Variants in CCT3 observed in about 807,000 individuals in gnomAD.
CCT3 encodes T-complex protein 1 subunit gamma.
Under a neutral mutation model 65.3 loss-of-function variants are expected in CCT3, and 10 were observed. The observed-to-expected ratio is 0.15, with a 90% confidence interval of 0.09 to 0.26. CCT3 has a LOEUF of 0.26. CCT3 is among the 10% of genes least tolerant of loss of function. The probability of loss-of-function intolerance (pLI) is 1.00; values close to 1 mark genes in which losing one functional copy is unlikely to be tolerated. For missense variants in CCT3, 626 were observed against 708.7 expected (o/e 0.88, Z 1.33); for synonymous variants, 225 against 242.3 (o/e 0.93, Z 0.66).
intron 6 of CCT3, among the ~76,000 whole-genome samples, chr1:156,324,559 C>T (rs1664721729): frequency 6.6e-6 from 1 of 151,922 alleles, no homozygotes; most frequent in East Asian, 1.9e-4. Flanking sequence ...GCAATCTCCG[C>T]CCCCTGGTTT....
chr1:156,317,092 AATG>A (rs1168187026), intron 10 of CCT3, 71 bp downstream of exon 10: 1 of 1,263,046 alleles, frequency 7.9e-7, no homozygotes, highest in East Asian at 2.3e-5. Flanking sequence ...CTTTTCAGGT[AATG>A]ATGACTGTTA....
rs769868138 is a variant in CCT3, at chr1:156,312,204, A to G, written c.992T>C (p.Ile331Thr). Reference protein sequence around the residue: ...NRIARACGARIVSRPEELRED... With the variant: ...NRIARACGARTVSRPEELRED... ...TCTCAGTTCCTCTGGTCGGCTGACT[A>G]TCCGGGCCCCACAGGCTCTAATGGA... The change falls in exon 11 of 14, where the codon ATA (isoleucine) becomes ACA (threonine). Residue 331 changes from isoleucine to threonine, a missense_variant. Physicochemically the swap from Ile to Thr is moderately conservative, Grantham distance 89. Transcript: ENST00000295688. The G allele has an allele frequency of 1.9e-6, 3 of 1,614,046 alleles. No individual in the cohort carries two copies. The highest frequency in any genetic ancestry group is 2.5e-6 in the Non-Finnish European group (3 of 1,179,986).
rs1252626027 is a variant in CCT3, at chr1:156,312,056, G to A, written c.1140C>T (p.Ser380=). ...GCTGACTCACCGAGAGAATCTCTTT[G>A]CTAGCCCCCCGGAGGAGAATGGTGC... ...KACTILLRGA[S]KEILSEVERN... The change falls in exon 11 of 14, where the codon AGC becomes AGT. Residue 380 remains serine (S), a synonymous_variant. Coordinates refer to ENST00000295688, the MANE Select transcript of CCT3 (RefSeq NM_005998.5). 1 of 1,610,976 alleles carries A rather than the reference G, an allele frequency of 6.2e-7. No individual in the cohort carries two copies. Among genetic ancestry groups the A allele is most frequent in the Non-Finnish European group, 8.5e-7 (1 of 1,178,632 alleles).
chr1:156,321,354 A>G (rs1664545990), intron 6 of CCT3, among the ~76,000 whole-genome samples: 2 of 151,502 alleles, frequency 1.3e-5, no homozygotes, highest in South Asian at 2.1e-4. Flanking sequence ...GTCAAGACAC[A>G]TTTTTTTTTA....
Position 156,317,075 on chromosome 1 carries a change from A to G in CCT3, c.974+91T>C, listed in dbSNP as rs1285129555. The G allele has an allele frequency of 3.5e-6, 4 of 1,149,544 alleles. No individual in the cohort carries two copies. In the African/African-American group the frequency reaches 6.1e-5, roughly 17 times the overall value. The allele number at this position is 1,149,544 out of a possible 1,614,324, so 71.2% of individuals were successfully genotyped here. Reference sequence around the variant, plus strand: ...ATTTCTACCTGTTACTATATCCTTTATTAAACCTTTTCAGGTAATGATGAC... The same window carrying G: ...ATTTCTACCTGTTACTATATCCTTTGTTAAACCTTTTCAGGTAATGATGAC... On this transcript the variant is annotated intron_variant, in intron 10 of 13. Transcript: ENST00000295688.
chr1:156,324,001 G>A (rs565677226), intron 6 of CCT3, among the ~76,000 whole-genome samples: 289 of 150,408 alleles, frequency 1.9e-3, no homozygotes, highest in Non-Finnish European at 3.2e-3. Context: ...GACCTCAGGT[G>A]ATCCACCCGC....
intron 5 of CCT3, among the ~76,000 whole-genome samples, chr1:156,326,387 C>T (rs764831140): frequency 1.4e-4 from 21 of 152,090 alleles, no homozygotes; most frequent in South Asian, 8.3e-4. Flanking sequence ...TGTGGTGGCT[C>T]ACATCTGTAA....
chr1:156,338,180 A>C lies in CCT3; in HGVS notation c.5T>G (p.Met2Arg), dbSNP rs766641788. The change falls in exon 1 of 14, where the codon ATG (methionine) becomes AGG (arginine). Residue 2 changes from methionine (M) to arginine (R), a missense_variant. By Grantham distance (91) the Met-to-Arg change is moderately conservative. Transcript: ENST00000295688. The stretch of plus-strand genomic sequence containing the variant: ...GAGCACGAGCACTGGACGATGGCCC[A>C]TCATGGCGACGCGATGCAGAGCCGG... MMGHRPVLVLSQ... is the reference protein window; with the variant it reads MRGHRPVLVLSQ... The C allele has an allele frequency of 4.4e-6, 7 of 1,588,726 alleles. No homozygotes were observed. In the African/African-American group the frequency reaches 8.0e-5, roughly 18 times the overall value.
intron 6 of CCT3, among the ~76,000 whole-genome samples, chr1:156,322,005 C>T (rs1354157307): frequency 6.6e-6 from 1 of 152,150 alleles, no homozygotes; most frequent in African/African-American, 2.4e-5. Flanking sequence ...CCTGTAAACC[C>T]AACACTTTGG....
rs1664353554 is a variant in CCT3 at position 156,317,379 on chromosome 1, C to CT, written c.892+35dup. On this transcript the variant is annotated intron_variant, in intron 9 of 13. Transcript: ENST00000295688. ...AAACAAATCACCCACCCTCGTCTAC[C>CT]TCAAAGGTAGGCTGGAAAAAGTAAC... 15 of 1,602,842 alleles carry CT rather than the reference C, an allele frequency of 9.4e-6. No homozygotes were observed. In the East Asian group the frequency reaches 3.4e-4, roughly 36 times the overall value.
At chr1:156,337,723 A>G (rs1665487504) in intron 1 of CCT3, 1 of 202,484 alleles carries the variant, frequency 4.9e-6, no homozygotes, top group South Asian at 8.4e-5. Context: ...TTAACTCCGT[A>G]ATACAGATTG....
Position 156,331,688 on chromosome 1 carries a change from C to CATAAATAA in CCT3, c.304+1851_304+1858dup, listed in dbSNP as rs569261761. ...ACAGAGCAAGACTCTGTCTCAAAAA[C>CATAAATAA]ATAAATAAATAAATAAATAAATAAA... On this transcript the variant is annotated intron_variant, in intron 5 of 13. Coordinates refer to ENST00000295688, the MANE Select transcript of CCT3 (RefSeq NM_005998.5). Among the ~76,000 whole-genome samples, 320 of 150,516 alleles carry CATAAATAA rather than the reference C, an allele frequency of 2.1e-3. 2 individuals are homozygous for CATAAATAA. Among genetic ancestry groups the CATAAATAA allele is most frequent in the African/African-American group, 7.2e-3 (295 of 40,948 alleles).
At chr1:156,334,541 G>C (rs1665251581) in intron 4 of CCT3, among the ~76,000 whole-genome samples, 172 bp downstream of exon 4, 1 of 152,176 alleles carries the variant, frequency 6.6e-6, no homozygotes, top group Admixed American at 6.5e-5. Flanking sequence ...CTTTATTTCA[G>C]ACTTCTAGCT....
intron 5 of CCT3, among the ~76,000 whole-genome samples, chr1:156,328,299 G>A (rs1664948348): frequency 1.4e-5 from 2 of 142,618 alleles, no homozygotes; most frequent in South Asian, 2.3e-4. Flanking sequence ...CTGCCCGGCT[G>A]CCCCTACTGG....
chr1:156,328,727 A>C (rs11264474), intron 5 of CCT3, among the ~76,000 whole-genome samples: 36,379 of 151,656 alleles, frequency 0.24, 4,863 homozygotes, highest in Non-Finnish European at 0.29. Context: ...TGCGGAAGGC[A>C]GCAGGGTCCT....
At chr1:156,336,458 G>A (rs1021248367) in intron 1 of CCT3, among the ~76,000 whole-genome samples, 1 of 152,142 alleles carries the variant, frequency 6.6e-6, no homozygotes, top group Non-Finnish European at 1.5e-5. Context: ...TAGTGATAGC[G>A]CCCCCACAGC....
chr1:156,330,513 A>C (rs1275914190), intron 5 of CCT3, among the ~76,000 whole-genome samples: 1 of 152,004 alleles, frequency 6.6e-6, no homozygotes, highest in Non-Finnish European at 1.5e-5. Flanking sequence ...AAAATACAAA[A>C]ATTAGCTGGG....
intron 5 of CCT3, among the ~76,000 whole-genome samples, chr1:156,327,637 G>A (rs373127843): frequency 5.7e-4 from 87 of 152,114 alleles, no homozygotes; most frequent in African/African-American, 1.4e-3. Context: ...ATCTCGGCTC[G>A]CTACAACCAC....
chr1:156,317,158 C>T lies in CCT3; in HGVS notation c.974+8G>A, dbSNP rs144189168. 1.5e-4 allele frequency: 245 copies of T among 1,612,300 alleles called. No homozygotes were observed. The African/African-American group carries it at 2.0e-3, about 13-fold the overall frequency. On this transcript the variant is annotated splice_region_variant and intron_variant, in intron 10 of 13. Transcript: ENST00000295688. ...AAGAAAAGTCTTGTTTTTACCTGGC[C>T]TACTCACCTAGCAATGCGATTATTG...
Sources: gnomAD v4.1 joint callset for allele counts (sites outside exome capture counted in the v4.1 genomes callset) on GRCh38, gnomAD v4.1.1 for gene constraint, MANE v1.5 for transcripts, NCBI Gene and HGNC (gene_info 2026-07-23, HGNC 2026-07-21) for gene names.